The following SSH1 variants were observed in gnomAD, a reference collection of about 807,000 sequenced individuals.
SSH1 encodes the protein slingshot protein phosphatase 1.
SSH1 carries 43 observed loss-of-function variants against 79.7 expected under a neutral mutation model. The ratio of observed to expected loss-of-function variants is 0.54; its 90% CI spans 0.42 to 0.70. SSH1 has a LOEUF of 0.70. Among genes scored for constraint, SSH1 ranks in the 30% least tolerant of loss-of-function variants. The pLI is 0.00. For synonymous variants in SSH1, 599 were observed against 538.3 expected, an observed-to-expected ratio of 1.11 and a Z score of -1.56; for missense variants, 1,206 against 1,358.8, an observed-to-expected ratio of 0.89 and a Z score of 1.77.
intron 2 of SSH1, among the ~76,000 whole-genome samples, chr12:108,829,699 A>G (rs2038426449): frequency 2.6e-5 from 4 of 152,206 alleles, no homozygotes; most frequent in Admixed American, 2.6e-4. Context: ...CTCTGGTCAT[A>G]CATTGAAACA....
chr12:108,828,388 C>T (rs2038384283), intron 2 of SSH1, among the ~76,000 whole-genome samples: 2 of 152,178 alleles, frequency 1.3e-5, no homozygotes, highest in African/African-American at 4.8e-5. Context: ...GCCCCACGCC[C>T]ACCTGCTTAA....
At position 108,805,305 on chromosome 12, in the gene SSH1, T is replaced by C. The variant is rs181991850; in HGVS notation, c.826-121A>G. On this transcript the variant is annotated intron_variant, in intron 9 of 14. Coordinates refer to ENST00000326495, the MANE Select transcript of SSH1 (RefSeq NM_018984.4). ...CCAAAAAAGGTGGGTGTTTTTTCTC[T>C]TTCAGAGTAATACATTTAGATACAC... 7.1e-5 allele frequency: 78 copies of C among 1,095,772 alleles called. No homozygotes were observed. In the East Asian group the frequency reaches 1.8e-3, roughly 25 times the overall value. The allele number at this position is 1,095,772 out of a possible 1,614,324, so 67.9% of individuals were successfully genotyped here.
chr12:108,823,993 C>CCCTGATTAGG (rs1464825957), intron 2 of SSH1, among the ~76,000 whole-genome samples: 1 of 152,210 alleles, frequency 6.6e-6, no homozygotes, highest in Non-Finnish European at 1.5e-5. Context: ...GAGAACAACT[C>CCCTGATTAGG]CCTGATTAGG....
chr12:108,792,187 G>GC (rs1340523315), intron 14 of SSH1, 99 bp downstream of exon 14: 3 of 1,579,286 alleles, frequency 1.9e-6, no homozygotes, highest in Admixed American at 1.8e-5. Context: ...GGGTGTGGTG[G>GC]CGGGTGCCTG....
At chr12:108,806,447 G>A (rs993289949) in intron 8 of SSH1, 53 bp from the exon 9 acceptor site, 59 of 1,526,874 alleles carry the variant, frequency 3.9e-5, no homozygotes, top group Admixed American at 5.0e-5. Context: ...GCTTGTGGTC[G>A]GAGGTTACAG....
chr12:108,797,550 C>T (rs1175720627), intron 13 of SSH1, among the ~76,000 whole-genome samples: 1 of 152,124 alleles, frequency 6.6e-6, no homozygotes, highest in Non-Finnish European at 1.5e-5. Flanking sequence ...CCCACTCCAC[C>T]CCCATCCTGT....
intron 11 of SSH1, 88 bp downstream of exon 11, chr12:108,802,234 G>C: frequency 8.0e-7 from 1 of 1,243,610 alleles, no homozygotes; most frequent in Admixed American, 1.8e-5. Flanking sequence ...TTACAGGCAG[G>C]CAGCCCCAAG....
chr12:108,790,331 G>C (rs1057147255), intron 14 of SSH1, among the ~76,000 whole-genome samples: 1 of 152,184 alleles, frequency 6.6e-6, no homozygotes, highest in Non-Finnish European at 1.5e-5. Flanking sequence ...AATATTTTTA[G>C]TAGAGATGTG....
chr12:108,836,036 T>A (rs548543038), intron 2 of SSH1, among the ~76,000 whole-genome samples: 1 of 134,170 alleles, frequency 7.5e-6, no homozygotes, highest in African/African-American at 2.7e-5. Flanking sequence ...ATCGATTATA[T>A]TAATATTAAT....
intron 2 of SSH1, among the ~76,000 whole-genome samples, chr12:108,849,146 C>G (rs916037944): frequency 1.3e-5 from 2 of 152,200 alleles, no homozygotes; most frequent in African/African-American, 4.8e-5. Flanking sequence ...CGGGAAAACC[C>G]CCCTCCAAGG....
chr12:108,843,338 C>T (rs1446658035), intron 2 of SSH1, among the ~76,000 whole-genome samples: 1 of 152,186 alleles, frequency 6.6e-6, no homozygotes, highest in Non-Finnish European at 1.5e-5. Context: ...GGAAACAATA[C>T]TCAACTTACA....
rs746131292 is a variant in SSH1, at chr12:108,788,305, G to A, written c.2833C>T (p.Arg945Cys). The A allele has an allele frequency of 2.2e-5, 36 of 1,613,344 alleles. No homozygotes were observed. The highest frequency in any genetic ancestry group is 1.1e-4 in the South Asian group (10 of 91,076). ...SSSSDSIHSV[R>C]GKPGLVKQRT... ...TGCTTCACCAGCCCGGGCTTCCCACGGACACTGTGGATGCTATCGCTGCTG... is the reference window on the plus strand; with the variant it reads ...TGCTTCACCAGCCCGGGCTTCCCACAGACACTGTGGATGCTATCGCTGCTG... Residue 945 changes from arginine (R) to cysteine (C), a missense_variant, in exon 15 of 15, where the codon CGT becomes TGT. Arg to Cys is a radical substitution (Grantham distance 180). Around this residue, in one of 5 missense-constraint regions of SSH1, gnomAD observed 709 missense variants for 730.6 expected, o/e 0.97. Transcript: ENST00000326495.
rs998407992 is a variant in SSH1 at position 108,788,385 on chromosome 12, G to A, written c.2753C>T (p.Thr918Ile). ...TSSFSKDFLKTICYTPTSSSM... is the reference protein window; with the variant it reads ...TSSFSKDFLKIICYTPTSSSM... ...AGAGGAGGTGGGGGTGTAGCAGATG[G>A]TCTTCAGAAAGTCTTTTGAGAAACT... Residue 918 changes from threonine (T) to isoleucine (I), a missense_variant, in exon 15 of 15, where the codon ACC becomes ATC. Physicochemically the swap from Thr to Ile is moderately conservative, Grantham distance 89. This residue lies in a region of SSH1 where 709 missense variants were observed against 730.6 expected (regional missense o/e 0.97). Coordinates refer to ENST00000326495, the MANE Select transcript of SSH1 (RefSeq NM_018984.4). 8 of 1,612,240 alleles carry A rather than the reference G, an allele frequency of 5.0e-6. No homozygotes were observed. Among genetic ancestry groups the A allele is most frequent in the Middle Eastern group, 1.6e-4 (1 of 6,080 alleles).
chr12:108,839,518 G>A (rs566640176), intron 2 of SSH1, among the ~76,000 whole-genome samples: 240 of 152,266 alleles, frequency 1.6e-3, no homozygotes, highest in African/African-American at 5.4e-3. Context: ...CCCAGATTTG[G>A]GGAAACACGC....
rs866449321 is a variant in SSH1, at chr12:108,855,023, T to C, written c.70-2345A>G. 1.3e-4 allele frequency among the ~76,000 whole-genome samples: 20 copies of C among 152,336 alleles called. No homozygotes were observed. The Middle Eastern group carries it at 0.01, about 78-fold the overall frequency. On this transcript the variant is annotated intron_variant, in intron 1 of 14. Transcript: ENST00000326495. ...AAATAAAAGCTGCCTGAGTTTTACT[T>C]TATGTTTATCAGGGTCATTGGCACT...
intron 5 of SSH1, among the ~76,000 whole-genome samples, chr12:108,816,428 CATTT>C (rs2037889158): frequency 6.6e-6 from 1 of 152,242 alleles, no homozygotes; most frequent in African/African-American, 2.4e-5. Context: ...CACAGGCATT[CATTT>C]ATCTTGTGAT....
chr12:108,817,776 C>T lies in SSH1; in HGVS notation c.279+473G>A, dbSNP rs116465846. 5.6e-3 allele frequency among the ~76,000 whole-genome samples: 860 copies of T among 152,338 alleles called. 10 individuals are homozygous for T. Among genetic ancestry groups the T allele is most frequent in the African/African-American group, 0.02 (828 of 41,564 alleles). ...TGGAGACCTGTTTCATCCCTCCTCC[C>T]GCCCCTCTGGGGAACTGAGGAGTCA... On this transcript the variant is annotated intron_variant, in intron 4 of 14. Transcript: ENST00000326495.
chr12:108,838,965 C>T (rs578234881), intron 2 of SSH1, among the ~76,000 whole-genome samples: 61 of 152,322 alleles, frequency 4.0e-4, no homozygotes, highest in African/African-American at 1.4e-3. Context: ...CTGCTTTCTT[C>T]GTGTCCCGAT....
rs757144006 is a variant in SSH1 at position 108,806,373 on chromosome 12, G to A, written c.753C>T (p.Thr251=). The change falls in exon 9 of 15, where the codon ACC becomes ACT. Residue 251 remains threonine, a synonymous_variant. Coordinates refer to ENST00000326495, the MANE Select transcript of SSH1 (RefSeq NM_018984.4). ...FVDKPTEGER[T]ERLIKAKLRS... ...GGAGCTTGGCTTTGATGAGGCGCTCGGTCCTTTCCCCTTCAGTGGGCCTGG... is the reference window on the plus strand; with the variant it reads ...GGAGCTTGGCTTTGATGAGGCGCTCAGTCCTTTCCCCTTCAGTGGGCCTGG... The A allele has an allele frequency of 1.4e-5, 22 of 1,614,116 alleles. No individual in the cohort carries two copies. Among genetic ancestry groups the A allele is most frequent in the Non-Finnish European group, 1.7e-5 (20 of 1,180,016 alleles).
Sources: gnomAD v4.1 joint callset for allele counts (sites outside exome capture counted in the v4.1 genomes callset) on GRCh38, gnomAD v4.1.1 for gene constraint, gnomAD v4.1.1 regional missense constraint, MANE v1.5 for transcripts, NCBI Gene and HGNC (gene_info 2026-07-23, HGNC 2026-07-21) for gene names.